Variants in RAB7A observed in about 807,000 individuals in gnomAD.
The protein encoded by RAB7A is RAB7A, member RAS oncogene family, also known as ras-related protein Rab-7a.
Under a neutral mutation model 24.5 loss-of-function variants are expected in RAB7A, and 2 were observed. The ratio of observed to expected loss-of-function variants is 0.08; its 90% confidence interval spans 0.03 to 0.26. The LOEUF is 0.26. Among genes scored for constraint, RAB7A ranks in the 10% least tolerant of loss-of-function variants. The pLI is 1.00. For missense variants in RAB7A, 118 were observed against 255.7 expected (o/e 0.46, Z 3.67); for synonymous variants, 100 against 95.9 (o/e 1.04, Z -0.25).
intron 1 of RAB7A, among the ~76,000 whole-genome samples, chr3:128,769,448 A>AT (rs1031040195): frequency 2.0e-5 from 3 of 152,182 alleles, no homozygotes; most frequent in African/African-American, 7.2e-5. Flanking sequence ...TGAAGCATCT[A>AT]TTAGATCTTT....
At chr3:128,772,547 T>C (rs1384907115) in intron 1 of RAB7A, among the ~76,000 whole-genome samples, 1 of 152,238 alleles carries the variant, frequency 6.6e-6, no homozygotes, top group Non-Finnish European at 1.5e-5. Flanking sequence ...TGTACTTGGG[T>C]GATATGACAC....
intron 1 of RAB7A, chr3:128,765,144 G>GGGGGACGAGCGCTGGGTT (rs1222707088): frequency 2.0e-5 from 14 of 702,140 alleles, no homozygotes; most frequent in Non-Finnish European, 3.6e-5. Context: ...CGGCCGGGGT[G>GGGGGACGAGCGCTGGGTT]GGGGACGAGC....
chr3:128,776,045 A>AC (rs1252101027), intron 1 of RAB7A, among the ~76,000 whole-genome samples: 1 of 151,772 alleles, frequency 6.6e-6, no homozygotes, highest in Non-Finnish European at 1.5e-5. Context: ...CTCCCCAGTC[A>AC]CCCTACCCTC....
rs561364216 is a variant in RAB7A at position 128,814,208 on chromosome 3, A to G, written c.*786A>G. ...AGAATTGGGAAATCCAGCTAGCGGCAGTATTCTGTACAGTAGACACAAGAA... is the reference window on the plus strand; with the variant it reads ...AGAATTGGGAAATCCAGCTAGCGGCGGTATTCTGTACAGTAGACACAAGAA... On this transcript the variant is annotated 3_prime_UTR_variant, in exon 6 of 6. Transcript: ENST00000265062. 1 of 153,736 alleles carries G rather than the reference A, an allele frequency of 6.5e-6. No individual in the cohort carries two copies. The highest frequency in any genetic ancestry group is 2.4e-5 in the African/African-American group (1 of 41,590). 9.5% of individuals were successfully genotyped at this position (153,736 alleles called of 1,614,324 possible).
intron 3 of RAB7A, 123 bp downstream of exon 3, chr3:128,798,192 T>G (rs1051221437): frequency 1.3e-5 from 17 of 1,280,888 alleles, no homozygotes; most frequent in Non-Finnish European, 1.9e-5. Context: ...TGTAGATAAT[T>G]GGCTGATACT....
At chr3:128,799,735 A>G (rs543474841) in intron 3 of RAB7A, among the ~76,000 whole-genome samples, 1 of 152,338 alleles carries the variant, frequency 6.6e-6, no homozygotes, top group South Asian at 2.1e-4. Context: ...AGAAATTGGC[A>G]AAGCTTGTGT....
intron 1 of RAB7A, among the ~76,000 whole-genome samples, chr3:128,735,631 AGTT>A (rs1436384600): frequency 6.6e-6 from 1 of 152,240 alleles, no homozygotes; most frequent in Non-Finnish European, 1.5e-5. Flanking sequence ...TTTAATGAAA[AGTT>A]AAACATGGGA....
chr3:128,755,411 A>G (rs1461360540), intron 1 of RAB7A, among the ~76,000 whole-genome samples: 1 of 151,902 alleles, frequency 6.6e-6, no homozygotes, highest in Non-Finnish European at 1.5e-5. Context: ...AAAAGGATGA[A>G]GATCTCAAAT....
At chr3:128,808,641 C>A (rs879909670) in intron 5 of RAB7A, among the ~76,000 whole-genome samples, 5 of 152,166 alleles carry the variant, frequency 3.3e-5, no homozygotes, top group Admixed American at 3.3e-4. Flanking sequence ...AGTTGAAAGT[C>A]TGTTTTGATG....
At chr3:128,773,274 A>G (rs1160080546) in intron 1 of RAB7A, among the ~76,000 whole-genome samples, 8 of 134,936 alleles carry the variant, frequency 5.9e-5, no homozygotes, top group Non-Finnish European at 1.1e-4. Flanking sequence ...GAGCCCCTCC[A>G]CCCAGCAGCC....
chr3:128,798,716 C>T (rs1933630547), intron 3 of RAB7A: 1 of 168,882 alleles, frequency 5.9e-6, no homozygotes, highest in African/African-American at 2.4e-5. Flanking sequence ...AAAGAAACCC[C>T]TGAAGGATGG....
chr3:128,805,058 G>A (rs1012357318), intron 3 of RAB7A, among the ~76,000 whole-genome samples: 5 of 152,164 alleles, frequency 3.3e-5, no homozygotes, highest in East Asian at 1.9e-4. Flanking sequence ...GAAAACCTCC[G>A]CGCATATGAC....
In RAB7A at chr3:128,814,468, C is replaced by T. The variant is rs1933996990; in HGVS notation, c.*1046C>T. ...CTCCCGTTAGATCAGCATTCTACTA[C>T]AAGAGTGAAAGGAAAACCCTAACAG... On this transcript the variant is annotated 3_prime_UTR_variant, in exon 6 of 6. Coordinates refer to ENST00000265062, the MANE Select transcript of RAB7A (RefSeq NM_004637.6). 6.6e-6 allele frequency: 1 copy of T among 152,624 alleles called. No homozygotes were observed. Among genetic ancestry groups the T allele is most frequent in the Admixed American group, 6.5e-5 (1 of 15,288 alleles). The allele number at this position is 152,624 out of a possible 1,614,324, so 9.5% of individuals were successfully genotyped here.
At chr3:128,755,059 A>ATCT (rs1227164073) in intron 1 of RAB7A, among the ~76,000 whole-genome samples, 2 of 152,234 alleles carry the variant, frequency 1.3e-5, no homozygotes, top group Non-Finnish European at 2.9e-5. Flanking sequence ...AACAGAATGC[A>ATCT]TCTTCTTCTT....
intron 1 of RAB7A, among the ~76,000 whole-genome samples, chr3:128,773,433 G>A (rs1933003847): frequency 6.7e-6 from 1 of 149,556 alleles, no homozygotes; most frequent in Non-Finnish European, 1.5e-5. Context: ...GTGGGGGGCA[G>A]CCCCCGCCCG....
chr3:128,744,397 A>AC (rs1365837079), intron 1 of RAB7A, among the ~76,000 whole-genome samples: 2 of 152,238 alleles, frequency 1.3e-5, no homozygotes, highest in Admixed American at 1.3e-4. Context: ...TCTTAGAGGG[A>AC]CTGATCCATT....
chr3:128,741,469 T>C (rs928940709), intron 1 of RAB7A, among the ~76,000 whole-genome samples: 1 of 152,220 alleles, frequency 6.6e-6, no homozygotes, highest in African/African-American at 2.4e-5. Context: ...TATTGTATTA[T>C]CTTTTCTCTT....
intron 1 of RAB7A, among the ~76,000 whole-genome samples, chr3:128,783,145 C>G (rs1286139862): frequency 6.6e-6 from 1 of 152,164 alleles, no homozygotes; most frequent in African/African-American, 2.4e-5. Flanking sequence ...ACCACAGGCA[C>G]TACTGGGATT....
chr3:128,800,961 G>C (rs372014960), intron 3 of RAB7A, among the ~76,000 whole-genome samples: 26 of 152,300 alleles, frequency 1.7e-4, no homozygotes, highest in Admixed American at 1.4e-3. Context: ...CTGCACAAAG[G>C]CGTCATTATC....
Sources: gnomAD v4.1 joint callset for allele counts (sites outside exome capture counted in the v4.1 genomes callset) on GRCh38, gnomAD v4.1.1 for gene constraint, MANE v1.5 for transcripts, NCBI Gene and HGNC (gene_info 2026-07-23, HGNC 2026-07-21) for gene names.